GRK1: variants seen among roughly 807,000 people sequenced by gnomAD.
The protein encoded by GRK1 is G protein-coupled receptor kinase 1.
Under a neutral mutation model 41.7 loss-of-function variants are expected in GRK1, and 28 were observed. The ratio of observed to expected loss-of-function variants is 0.67; its 90% CI spans 0.50 to 0.92. The LOEUF is 0.92. Ranked by LOEUF, GRK1 falls within the 40% of genes least tolerant of loss-of-function variation. GRK1 has a pLI of 0.00. For synonymous variants in GRK1, 327 were observed against 286.7 expected, an observed-to-expected ratio of 1.14 and a Z score of -1.42; for missense variants, 703 against 671.2, an observed-to-expected ratio of 1.05 and a Z score of -0.52.
the GRK1 span, among the ~76,000 whole-genome samples, chr13:113,649,696 A>T: frequency 6.6e-6 from 1 of 152,194 alleles, no homozygotes; most frequent in Non-Finnish European, 1.5e-5. The surrounding 1 kb of genome is among the most constrained non-coding windows in gnomAD (Gnocchi z 4.7). Context: ...TTGCTGAGAT[A>T]ACACCCCCCA....
intron 4 of GRK1, among the ~76,000 whole-genome samples, chr13:113,728,468 G>A (rs914043541): frequency 1.0e-4 from 15 of 149,612 alleles, no homozygotes; most frequent in African/African-American, 3.8e-4. Context: ...TACCCATGGT[G>A]ATGAGGAGTA....
rs1216421130 is a variant in GRK1, at chr13:113,731,985, G to C, written c.1194+642G>C. On this transcript the variant is annotated intron_variant, in intron 5 of 6. Transcript: ENST00000335678. The surrounding 1 kb of genome is among the most constrained non-coding windows in gnomAD (Gnocchi z 5.6). ...GCTGGGTCTCCCCTGAGTGCCCCCTGGGCTGCCCCGGATCCTAGGCCACCA... is the reference window on the plus strand; with the variant it reads ...GCTGGGTCTCCCCTGAGTGCCCCCTCGGCTGCCCCGGATCCTAGGCCACCA... Among the ~76,000 whole-genome samples, 1 of 152,190 alleles carries C rather than the reference G, an allele frequency of 6.6e-6. No individual in the cohort carries two copies. The highest frequency in any genetic ancestry group is 2.4e-5 in the African/African-American group (1 of 41,456).
chr13:113,670,208 G>A (rs1374070940), intron 2 of GRK1, among the ~76,000 whole-genome samples: 1 of 152,128 alleles, frequency 6.6e-6, no homozygotes, highest in East Asian at 1.9e-4. Context: ...TAGAGCTGGA[G>A]ACAAGATCAG....
chr13:113,668,564 G>A (rs1180623348), intron 1 of GRK1, among the ~76,000 whole-genome samples: 1 of 152,258 alleles, frequency 6.6e-6, no homozygotes, highest in Non-Finnish European at 1.5e-5. Context: ...CGTGACGCCG[G>A]GGGCAGGAAC....
At position 113,668,043 on chromosome 13, in the gene GRK1, G is replaced by A; in HGVS notation, c.657G>A (p.Lys219=). 6.2e-7 allele frequency: 1 copy of A among 1,611,276 alleles called. No individual in the cohort carries two copies. Among genetic ancestry groups the A allele is most frequent in the Non-Finnish European group, 8.5e-7 (1 of 1,178,904 alleles). Residue 219 remains lysine (K), a synonymous_variant, in exon 1 of 7, where the codon AAG becomes AAA. Transcript: ENST00000335678. ...CGACCGGCAAGCTGTATGCCTGCAA[G>A]AAGCTGAACAAGAAGCGGCTGAAGA... ...MKATGKLYAC[K]KLNKKRLKKR...
At chr13:113,654,959 G>A in the GRK1 span, 6 of 1,613,130 alleles carry the variant, frequency 3.7e-6, no homozygotes, top group African/African-American at 4.0e-5. Context: ...CACAAGGCAG[G>A]CACAAAATTT....
the GRK1 span, chr13:113,649,376 A>T: frequency 6.3e-7 from 1 of 1,593,266 alleles, no homozygotes; most frequent in East Asian, 2.3e-5. This position sits in a 1 kb window ranked among gnomAD's most constrained non-coding sequence, Gnocchi z 4.7. Context: ...AAACCGTTTC[A>T]CTTCTCAATC....
upstream of GRK1, among the ~76,000 whole-genome samples, chr13:113,664,568 A>C (rs2009486514): frequency 6.6e-6 from 1 of 152,194 alleles, no homozygotes; most frequent in Non-Finnish European, 1.5e-5. This position sits in a 1 kb window ranked among gnomAD's most constrained non-coding sequence, Gnocchi z 5.4. Flanking sequence ...TGCTTGTTTA[A>C]CATATTTAAC....
At position 113,735,471 on chromosome 13, in the gene GRK1, C is replaced by T. The variant is rs2049997197; in HGVS notation, c.*108C>T. ...TCTGCTAGCAAGGGGACACGTGGTT[C>T]CCTCCACCCAGGTCCCCATCACGCC... On this transcript the variant is annotated 3_prime_UTR_variant, in exon 7 of 7. Coordinates refer to ENST00000335678, the MANE Select transcript of GRK1 (RefSeq NM_002929.3). 10 of 1,253,316 alleles carry T rather than the reference C, an allele frequency of 8.0e-6. No homozygotes were observed. Among genetic ancestry groups the T allele is most frequent in the Non-Finnish European group, 1.1e-5 (10 of 943,272 alleles). The allele number at this position is 1,253,316 out of a possible 1,614,324, so 77.6% of individuals were successfully genotyped here.
chr13:113,658,214 C>A, the GRK1 span: 18 of 1,426,706 alleles, frequency 1.3e-5, no homozygotes, highest in Non-Finnish European at 1.4e-5. Flanking sequence ...CAGATGCCCA[C>A]CTCTGGGCTT....
At chr13:113,648,440 C>T in the GRK1 span, among the ~76,000 whole-genome samples, 3 of 152,192 alleles carry the variant, frequency 2.0e-5, no homozygotes, top group Non-Finnish European at 2.9e-5. Flanking sequence ...GGCTGCACAC[C>T]GCCGTCGGGG....
chr13:113,667,495 G>A lies in GRK1; in HGVS notation c.109G>A (p.Ala37Thr), dbSNP rs549431756. ...ACCCTCCCGGGACAAGAAGTACCTG[G>A]CCAAGCTCAAGCTGCCCCCGCTGTC... ...SQPSRDKKYL[A>T]KLKLPPLSKC... The change falls in exon 1 of 7, where the codon GCC becomes ACC. Residue 37 changes from alanine (A) to threonine (T), a missense_variant. By Grantham distance (58) the Ala-to-Thr change is moderately conservative (BLOSUM62 0). Transcript: ENST00000335678. This position sits in a 1 kb window ranked among gnomAD's most constrained non-coding sequence, Gnocchi z 7.5. 1.2e-6 allele frequency: 2 copies of A among 1,612,348 alleles called. No homozygotes were observed. Among genetic ancestry groups the A allele is most frequent in the East Asian group, 4.5e-5 (2 of 44,842 alleles).
rs1045180488 is a variant in GRK1 at position 113,735,465 on chromosome 13, G to A, written c.*102G>A. 7.3e-5 allele frequency: 94 copies of A among 1,283,830 alleles called. No homozygotes were observed. Among genetic ancestry groups the A allele is most frequent in the Admixed American group, 1.2e-4 (4 of 33,726 alleles). The allele number at this position is 1,283,830 out of a possible 1,614,324, so 79.5% of individuals were successfully genotyped here. ...CTGGGGTCTGCTAGCAAGGGGACAC[G>A]TGGTTCCCTCCACCCAGGTCCCCAT... is the stretch of plus-strand genomic sequence containing the variant. On this transcript the variant is annotated 3_prime_UTR_variant, in exon 7 of 7. Coordinates refer to ENST00000335678, the MANE Select transcript of GRK1 (RefSeq NM_002929.3).
At position 113,731,442 on chromosome 13, in the gene GRK1, A is replaced by G. The variant is rs1420950457; in HGVS notation, c.1194+99A>G. The G allele has an allele frequency of 1.4e-6, 2 of 1,478,726 alleles. No individual in the cohort carries two copies. The highest frequency in any genetic ancestry group is 1.8e-6 in the Non-Finnish European group (2 of 1,109,144). The allele number at this position is 1,478,726 out of a possible 1,614,324, so 91.6% of individuals were successfully genotyped here. On this transcript the variant is annotated intron_variant, in intron 5 of 6. Transcript: ENST00000335678. This position sits in a 1 kb window ranked among gnomAD's most constrained non-coding sequence, Gnocchi z 5.6. The stretch of plus-strand genomic sequence containing the variant: ...GGATCGTTACTGGGGCAGACCTGGG[A>G]GTTGTTCTGTGGGCCCTGGGGTGGG...
At position 113,672,099 on chromosome 13, in the gene GRK1, C is replaced by T. The variant is rs992355030; in HGVS notation, c.985+443C>T. ...ACGCTCAGCTGTGGCACGGCCGGCC[C>T]TCTTCCCTACACCCTGCGCCCTCCA... is the stretch of plus-strand genomic sequence containing the variant. On this transcript the variant is annotated intron_variant, in intron 3 of 6. Coordinates refer to ENST00000335678, the MANE Select transcript of GRK1 (RefSeq NM_002929.3). Among the ~76,000 whole-genome samples the T allele has an allele frequency of 4.2e-3, 638 of 152,122 alleles. 2 individuals carry two copies. Among genetic ancestry groups the T allele is most frequent in the African/African-American group, 0.014 (579 of 41,472 alleles).
At chr13:113,655,311 C>T in the GRK1 span, among the ~76,000 whole-genome samples, 1 of 152,172 alleles carries the variant, frequency 6.6e-6, no homozygotes, top group East Asian at 1.9e-4. Flanking sequence ...AGTTATGGTT[C>T]CCCCATCACA....
chr13:113,657,871 G>A, the GRK1 span, among the ~76,000 whole-genome samples: 1 of 152,208 alleles, frequency 6.6e-6, no homozygotes, highest in Non-Finnish European at 1.5e-5. Context: ...CTTTCCCTGG[G>A]AGGCAAGTGA....
At chr13:113,668,662 G>C (rs953991094) in intron 1 of GRK1, among the ~76,000 whole-genome samples, 1 of 152,238 alleles carries the variant, frequency 6.6e-6, no homozygotes, top group African/African-American at 2.4e-5. Flanking sequence ...GCCCACTGGC[G>C]TCAGACTGTG....
At chr13:113,648,550 T>A in the GRK1 span, among the ~76,000 whole-genome samples, 28 of 152,240 alleles carry the variant, frequency 1.8e-4, no homozygotes, top group African/African-American at 6.3e-4. Flanking sequence ...TTTGCTTGTT[T>A]GGGAGAATGT....
Sources: gnomAD v4.1 joint callset for allele counts (sites outside exome capture counted in the v4.1 genomes callset) on GRCh38, gnomAD v4.1.1 for gene constraint, Gnocchi (gnomAD v3.1) non-coding constraint, MANE v1.5 for transcripts, NCBI Gene and HGNC (gene_info 2026-07-23, HGNC 2026-07-21) for gene names.